PER3: variants seen among roughly 807,000 people sequenced by gnomAD.
PER3 encodes period circadian regulator 3, also known as period circadian protein homolog 3.
Under a neutral mutation model 127.2 loss-of-function variants are expected in PER3, and 107 were observed. That is an observed-to-expected ratio of 0.84 (90% CI 0.72 to 0.99). The LOEUF (loss-of-function observed/expected upper bound fraction) is 0.99. Ranked by LOEUF, PER3 falls within the 50% of genes least tolerant of loss-of-function variation. The pLI, the probability that PER3 is intolerant of heterozygous loss-of-function variation, is 0.00. For synonymous variants in PER3, 618 were observed against 585.8 expected (o/e 1.05, Z -0.79); for missense variants, 1,560 against 1,525.8 (o/e 1.02, Z -0.37).
chr1:7,809,408 G>A (rs540331092), intron 11 of PER3, among the ~76,000 whole-genome samples: 3 of 152,200 alleles, frequency 2.0e-5, no homozygotes, highest in East Asian at 3.9e-4. Context: ...ATAACTAAAG[G>A]TGTTTTCTAC....
rs1182814738 is a variant in PER3 at position 7,798,673 on chromosome 1, G to A, written c.793G>A (p.Ala265Thr). The A allele has an allele frequency of 1.9e-6, 3 of 1,612,264 alleles. No homozygotes were observed. The highest frequency in any genetic ancestry group is 1.3e-5 in the African/African-American group (1 of 75,010). The change falls in exon 7 of 22, where the codon GCT (alanine) becomes ACT (threonine). Residue 265 changes from alanine (A) to threonine (T), a missense_variant and splice_region_variant. Physicochemically the swap from Ala to Thr is moderately conservative, Grantham distance 58. This residue lies in a region of PER3 where 1,332 missense variants were observed against 1,223.6 expected (regional missense o/e 1.09). Transcript: ENST00000377532. Reference protein sequence around the residue: ...VVEKIHSGYEAPRIPVNKRIF... With the variant: ...VVEKIHSGYETPRIPVNKRIF... ...TGAAAAGATTCACTCTGGTTATGAAGGTAAGTCAGTAGATAAGATGCAGAA... is the reference window on the plus strand; with the variant it reads ...TGAAAAGATTCACTCTGGTTATGAAAGTAAGTCAGTAGATAAGATGCAGAA...
chr1:7,818,838 A>G (rs1031957629), intron 13 of PER3, among the ~76,000 whole-genome samples: 2 of 152,250 alleles, frequency 1.3e-5, no homozygotes, highest in African/African-American at 4.8e-5. Flanking sequence ...TCTGTTGGAC[A>G]CAGGCTCCAC....
rs748794697 is a variant in PER3, at chr1:7,842,648, C to T, written c.3550-24C>T. 18 of 1,612,118 alleles carry T rather than the reference C, an allele frequency of 1.1e-5. No homozygotes were observed. The South Asian group carries it at 1.2e-4, about 11-fold the overall frequency. On this transcript the variant is annotated intron_variant, in intron 21 of 21. Coordinates refer to ENST00000377532, the MANE Select transcript of PER3 (RefSeq NM_001377275.1). Reference sequence around the variant, plus strand: ...TAGGTGACATTGACATCAAGTAACTCGCCTGCTTTGTTCTTTTTTGGAGGC... The same window carrying T: ...TAGGTGACATTGACATCAAGTAACTTGCCTGCTTTGTTCTTTTTTGGAGGC...
In PER3 at chr1:7,834,333, C is replaced by T. The variant is rs2097347341; in HGVS notation, c.3215-1429C>T. Among the ~76,000 whole-genome samples, 4 of 152,122 alleles carry T rather than the reference C, an allele frequency of 2.6e-5. No homozygotes were observed. In the South Asian group the frequency reaches 8.3e-4, roughly 31 times the overall value. Reference sequence around the variant, plus strand: ...TTAAGACGGAGTACTTCCATGTCCCCTTTGTCTTTTGTGCTATTTTTGTCA... The same window carrying T: ...TTAAGACGGAGTACTTCCATGTCCCTTTTGTCTTTTGTGCTATTTTTGTCA... On this transcript the variant is annotated intron_variant, in intron 19 of 21. Coordinates refer to ENST00000377532, the MANE Select transcript of PER3 (RefSeq NM_001377275.1).
chr1:7,841,191 A>G (rs1041610697), intron 21 of PER3, among the ~76,000 whole-genome samples: 1 of 152,200 alleles, frequency 6.6e-6, no homozygotes, highest in Non-Finnish European at 1.5e-5. Flanking sequence ...GTGTTGGGCC[A>G]CATTCAAAGC....
At chr1:7,830,767 G>A (rs1483750533) in intron 19 of PER3, among the ~76,000 whole-genome samples, 1 of 152,136 alleles carries the variant, frequency 6.6e-6, no homozygotes, top group Non-Finnish European at 1.5e-5. Context: ...TGCCTTTGTT[G>A]AAAATAACTT....
chr1:7,809,057 A>G (rs2097207966), intron 11 of PER3, 59 bp downstream of exon 11: 7 of 815,944 alleles, frequency 8.6e-6, no homozygotes, highest in East Asian at 7.7e-5. Context: ...TTTAATGCTC[A>G]GTAAATTCAC....
At chr1:7,799,808 C>T (rs555291849) in intron 7 of PER3, among the ~76,000 whole-genome samples, 4 of 152,020 alleles carry the variant, frequency 2.6e-5, no homozygotes, top group East Asian at 3.9e-4. Context: ...TTTGCTCTGT[C>T]ACTCAGGCTG....
At chr1:7,792,396 ACAATT>A (rs2097126017) in intron 5 of PER3, among the ~76,000 whole-genome samples, 1 of 152,236 alleles carries the variant, frequency 6.6e-6, no homozygotes, top group Non-Finnish European at 1.5e-5. Flanking sequence ...TATGGGAACT[ACAATT>A]CAAGATGAGA....
At chr1:7,802,137 A>C (rs1017250126) in intron 8 of PER3, among the ~76,000 whole-genome samples, 6 of 152,166 alleles carry the variant, frequency 3.9e-5, no homozygotes, top group Non-Finnish European at 8.8e-5. Context: ...ATATTTACGG[A>C]ATCCAGTTTT....
Position 7,820,226 on chromosome 1 carries a change from C to T in PER3, c.1770C>T (p.Val590=), listed in dbSNP as rs1464359212. The T allele has an allele frequency of 2.5e-6, 4 of 1,613,402 alleles. No homozygotes were observed. In the South Asian group the frequency reaches 3.3e-5, roughly 13 times the overall value. The change falls in exon 15 of 22, where the codon GTC becomes GTT. Residue 590 remains valine, a synonymous_variant. Coordinates refer to ENST00000377532, the MANE Select transcript of PER3 (RefSeq NM_001377275.1). ...EDKQNHKADD[V]QALQAGLQIP... ...AACAGAACCACAAGGCAGATGATGT[C>T]CAAGCCTTACAAGGTAACAAGAATG...
Position 7,798,657 on chromosome 1 carries a change from T to G in PER3, c.777T>G (p.Ile259Met). ...EPCCLTVVEK[I>M]HSGYEAPRIP... ...GCTGTCTCACTGTGGTTGAAAAGAT[T>G]CACTCTGGTTATGAAGGTAAGTCAG... Residue 259 changes from isoleucine (I) to methionine (M), a missense_variant, in exon 7 of 22, where the codon ATT (isoleucine) becomes ATG (methionine). Physicochemically the swap from Ile to Met is conservative, Grantham distance 10. Around this residue, in one of 3 missense-constraint regions of PER3, gnomAD observed 1,332 missense variants for 1,223.6 expected, o/e 1.09. Transcript: ENST00000377532. The G allele has an allele frequency of 6.2e-7, 1 of 1,613,792 alleles. No homozygotes were observed. Among genetic ancestry groups the G allele is most frequent in the African/African-American group, 1.3e-5 (1 of 75,042 alleles).
At chr1:7,804,823 C>T (rs2097186054) in intron 10 of PER3, among the ~76,000 whole-genome samples, 2 of 151,642 alleles carry the variant, frequency 1.3e-5, no homozygotes, top group African/African-American at 4.8e-5. Context: ...CGGCCCACAA[C>T]TTCTTGTAGG....
In PER3 at chr1:7,809,036, T is replaced by C. The variant is rs1326214157; in HGVS notation, c.1242+38T>C. On this transcript the variant is annotated intron_variant, in intron 11 of 21. Transcript: ENST00000377532. ...TGTTAAAAATGCAAAGTTCCCTGAA[T>C]TGTGTTTTGTTTTAATGCTCAGTAA... The C allele has an allele frequency of 4.9e-6, 5 of 1,014,296 alleles. No homozygotes were observed. In the African/African-American group the frequency reaches 6.4e-5, roughly 13 times the overall value. 62.8% of individuals were successfully genotyped at this position (1,014,296 alleles called of 1,614,324 possible).
rs1377318302 is a variant in PER3 at position 7,837,110 on chromosome 1, G to T, written c.3510G>T (p.Trp1170Cys). Residue 1170 changes from tryptophan to cysteine, a missense_variant, in exon 21 of 22, where the codon TGG becomes TGT. Transcript: ENST00000377532. The stretch of plus-strand genomic sequence containing the variant: ...AGGAGCTGGCTAAGGTGTATAATTG[G>T]ATTCAAAGCCAGACTGTCACTCAAG... ...QKEELAKVYN[W>C]IQSQTVTQEI... 1 of 1,613,910 alleles carries T rather than the reference G, an allele frequency of 6.2e-7. No individual in the cohort carries two copies. The highest frequency in any genetic ancestry group is 8.5e-7 in the Non-Finnish European group (1 of 1,179,914).
intron 19 of PER3, among the ~76,000 whole-genome samples, chr1:7,832,194 T>A (rs1471914087): frequency 2.0e-5 from 3 of 152,082 alleles, no homozygotes; most frequent in Non-Finnish European, 4.4e-5. Context: ...CTTTTCCTTT[T>A]AATGTCTGTA....
chr1:7,815,018 C>G lies in PER3; in HGVS notation c.1523-4267C>G, dbSNP rs576222775. ...GGTCAGAAACCAAATGGACTGAAGCCGGGAGTGGTGTTATGTGCCAGCTAC... is the reference window on the plus strand; with the variant it reads ...GGTCAGAAACCAAATGGACTGAAGCGGGGAGTGGTGTTATGTGCCAGCTAC... On this transcript the variant is annotated intron_variant, in intron 13 of 21. Coordinates refer to ENST00000377532, the MANE Select transcript of PER3 (RefSeq NM_001377275.1). Among the ~76,000 whole-genome samples, 4 of 152,086 alleles carry G rather than the reference C, an allele frequency of 2.6e-5. No homozygotes were observed. In the East Asian group the frequency reaches 7.7e-4, roughly 29 times the overall value.
chr1:7,839,900 C>CT (rs2097376570), intron 21 of PER3, among the ~76,000 whole-genome samples: 1 of 151,974 alleles, frequency 6.6e-6, no homozygotes, highest in Admixed American at 6.6e-5. Flanking sequence ...GCCTCTTGGA[C>CT]TTTTACATTC....
At chr1:7,815,991 CA>C (rs34144861) in intron 13 of PER3, among the ~76,000 whole-genome samples, 9,817 of 65,842 alleles carry the variant, frequency 0.15, 140 homozygotes, top group South Asian at 0.19. Flanking sequence ...GACTCCGTCT[CA>C]AAAAAAAAAA....
Sources: gnomAD v4.1 joint callset for allele counts (sites outside exome capture counted in the v4.1 genomes callset) on GRCh38, gnomAD v4.1.1 for gene constraint, gnomAD v4.1.1 regional missense constraint, MANE v1.5 for transcripts, NCBI Gene and HGNC (gene_info 2026-07-23, HGNC 2026-07-21) for gene names.